Variants in SESN2 observed in about 807,000 individuals in gnomAD.
SESN2 encodes the protein sestrin 2.
SESN2 carries 42 observed loss-of-function variants against 56.0 expected under a neutral mutation model. The observed-to-expected ratio is 0.75, with a 90% CI of 0.59 to 0.97. SESN2 has a LOEUF of 0.97. SESN2 is among the 50% of genes least tolerant of loss of function. The probability of loss-of-function intolerance (pLI) is 0.00; values close to 1 mark genes in which losing one functional copy is unlikely to be tolerated. For synonymous variants in SESN2, 264 were observed against 267.1 expected, an observed-to-expected ratio of 0.99 and a Z score of 0.11; for missense variants, 507 against 649.4, an observed-to-expected ratio of 0.78 and a Z score of 2.38.
chr1:28,281,095 A>ATTCACATTAAT lies in SESN2; in HGVS notation c.*293_*294insTTCACATTAAT. ...ACAGAGGCAGAGGGCACAGGAAAGA[A>ATTCACATTAAT]GCCGGGCCAAGCTCGGAATTAATGT... On this transcript the variant is annotated 3_prime_UTR_variant, in exon 10 of 10. Transcript: ENST00000253063. 1 of 325,834 alleles carries ATTCACATTAAT rather than the reference A, an allele frequency of 3.1e-6. No homozygotes were observed. The highest frequency in any genetic ancestry group is 5.7e-6 in the Non-Finnish European group (1 of 176,830). 20.2% of individuals were successfully genotyped at this position (325,834 alleles called of 1,614,324 possible).
chr1:28,270,727 C>T (rs931732603), intron 2 of SESN2, among the ~76,000 whole-genome samples: 5 of 152,180 alleles, frequency 3.3e-5, no homozygotes, highest in Non-Finnish European at 4.4e-5. Flanking sequence ...CATGAGCCAC[C>T]ACGCCCAGCT....
At chr1:28,263,134 C>T (rs80148843) in intron 1 of SESN2, among the ~76,000 whole-genome samples, 15 of 152,182 alleles carry the variant, frequency 9.9e-5, no homozygotes, top group Admixed American at 4.6e-4. Flanking sequence ...AATAAGTGTT[C>T]GTGACTAGTT....
At position 28,282,307 on chromosome 1, in the gene SESN2, CAAG is replaced by C. The variant is rs1397811308; in HGVS notation, c.*1509_*1511del. On this transcript the variant is annotated 3_prime_UTR_variant, in exon 10 of 10. Transcript: ENST00000253063. ...CCTTCCGGCCTGAAAGCCCTCCCTG[CAAG>C]AAGGTGTGCAGGAGAGAAGAGGCCC... The C allele has an allele frequency of 3.9e-5, 6 of 152,352 alleles. No homozygotes were observed. In the East Asian group the frequency reaches 7.7e-4, roughly 20 times the overall value. 9.4% of individuals were successfully genotyped at this position (152,352 alleles called of 1,614,324 possible).
chr1:28,271,017 A>AT (rs746429026), intron 2 of SESN2, among the ~76,000 whole-genome samples: 2 of 152,202 alleles, frequency 1.3e-5, no homozygotes, highest in South Asian at 2.1e-4. Flanking sequence ...CCCCGTCTGT[A>AT]TTAAAAAAAA....
intron 1 of SESN2, among the ~76,000 whole-genome samples, chr1:28,265,519 G>A (rs532146847): frequency 1.9e-4 from 29 of 152,100 alleles, no homozygotes; most frequent in Admixed American, 7.2e-4. Context: ...TCAGCCCCCC[G>A]AGTAGCTGGG....
At chr1:28,266,556 C>CTTTTTT (rs71586835) in intron 1 of SESN2, among the ~76,000 whole-genome samples, 4 of 116,992 alleles carry the variant, frequency 3.4e-5, no homozygotes, top group East Asian at 2.4e-4. Context: ...AGAGCCCCAT[C>CTTTTTT]TTTTTTTTTT....
At chr1:28,260,436 G>A (rs1177397979) in intron 1 of SESN2, among the ~76,000 whole-genome samples, 2 of 152,112 alleles carry the variant, frequency 1.3e-5, no homozygotes, top group Admixed American at 6.5e-5. Context: ...GCGGGGCGTA[G>A]GCACCTGGGA....
At chr1:28,260,270 TTGGGC>T (rs910317215) in intron 1 of SESN2, among the ~76,000 whole-genome samples, 1 of 151,902 alleles carries the variant, frequency 6.6e-6, no homozygotes, top group African/African-American at 2.4e-5. Flanking sequence ...TCTCCGAGCT[TTGGGC>T]TCCTGAGCGT....
intron 1 of SESN2, among the ~76,000 whole-genome samples, chr1:28,267,662 ATAAAT>A (rs1214331581): frequency 2.0e-5 from 3 of 152,190 alleles, no homozygotes; most frequent in Non-Finnish European, 2.9e-5. Context: ...GATTAACAAA[ATAAAT>A]TAATAAGTAG....
intron 1 of SESN2, among the ~76,000 whole-genome samples, chr1:28,262,785 C>G (rs753579527): frequency 1.8e-4 from 28 of 151,818 alleles, no homozygotes; most frequent in Non-Finnish European, 4.0e-4. Flanking sequence ...AAAATTAACC[C>G]TGCGTGGTGG....
chr1:28,273,988 C>T, intron 6 of SESN2, 52 bp from the exon 7 acceptor site: 1 of 1,161,616 alleles, frequency 8.6e-7, no homozygotes, highest in Non-Finnish European at 1.3e-6. Flanking sequence ...CAGGAATGGA[C>T]CCCTGCATGC....
At position 28,272,805 on chromosome 1, in the gene SESN2, G is replaced by T. The variant is rs761181990; in HGVS notation, c.750+12G>T. On this transcript the variant is annotated intron_variant, in intron 5 of 9. Transcript: ENST00000253063. ...TGAACAACTCTGGGGTAAGTCACGGGCCTGGGTCTTGATCGGGGAGGAAGC... is the reference window on the plus strand; with the variant it reads ...TGAACAACTCTGGGGTAAGTCACGGTCCTGGGTCTTGATCGGGGAGGAAGC... The T allele has an allele frequency of 1.3e-6, 2 of 1,537,786 alleles. No homozygotes were observed. Among genetic ancestry groups the T allele is most frequent in the African/African-American group, 2.7e-5 (2 of 73,378 alleles).
intron 1 of SESN2, among the ~76,000 whole-genome samples, chr1:28,264,719 T>A (rs958571879): frequency 1.3e-5 from 2 of 152,226 alleles, no homozygotes; most frequent in Non-Finnish European, 2.9e-5. Flanking sequence ...TTTGTCACAT[T>A]TCAAATGCTC....
intron 5 of SESN2, 135 bp from the exon 6 acceptor site, chr1:28,273,223 G>C: frequency 1.3e-6 from 1 of 784,328 alleles, no homozygotes; most frequent in African/African-American, 1.7e-5. Context: ...GTGCTGTCCA[G>C]CACAGTGGCT....
intron 8 of SESN2, among the ~76,000 whole-genome samples, chr1:28,277,022 C>T (rs898015893): frequency 6.6e-6 from 1 of 151,660 alleles, no homozygotes; most frequent in African/African-American, 2.4e-5. Flanking sequence ...TTCTCCCTGC[C>T]TCAGCCTCCT....
intron 1 of SESN2, among the ~76,000 whole-genome samples, chr1:28,262,054 T>A (rs1247443871): frequency 2.0e-5 from 3 of 152,174 alleles, no homozygotes; most frequent in Admixed American, 1.3e-4. Context: ...GTGCTGAGAT[T>A]ACCGGCATGA....
chr1:28,266,425 C>T (rs1647561357), intron 1 of SESN2, among the ~76,000 whole-genome samples: 1 of 152,108 alleles, frequency 6.6e-6, no homozygotes, highest in Non-Finnish European at 1.5e-5. Flanking sequence ...ATGAAATCCT[C>T]ATCACTGGCC....
At chr1:28,276,346 G>A (rs1042147409) in intron 8 of SESN2, among the ~76,000 whole-genome samples, 1 of 151,786 alleles carries the variant, frequency 6.6e-6, no homozygotes, top group Non-Finnish European at 1.5e-5. Flanking sequence ...GAGTGTGGTG[G>A]TGCATGCCTA....
chr1:28,266,637 G>C (rs1342948326), intron 1 of SESN2, among the ~76,000 whole-genome samples: 1 of 143,754 alleles, frequency 7.0e-6, no homozygotes, highest in East Asian at 2.0e-4. Flanking sequence ...ATAGCTTGCT[G>C]TAACCTCAAA....
Sources: gnomAD v4.1 joint callset for allele counts (sites outside exome capture counted in the v4.1 genomes callset) on GRCh38, gnomAD v4.1.1 for gene constraint, MANE v1.5 for transcripts, NCBI Gene and HGNC (gene_info 2026-07-23, HGNC 2026-07-21) for gene names.